TMCC1: variants seen among roughly 807,000 people sequenced by gnomAD.
TMCC1 encodes the protein transmembrane and coiled-coil domains protein 1.
TMCC1 carries 15 observed loss-of-function variants against 52.4 expected under a neutral mutation model. That is an observed-to-expected ratio of 0.29 (90% CI 0.19 to 0.44). The LOEUF (loss-of-function observed/expected upper bound fraction) is 0.44. Ranked by LOEUF, TMCC1 falls within the 20% of genes least tolerant of loss-of-function variation. The pLI is 1.00. For synonymous variants in TMCC1, 279 were observed against 301.9 expected (o/e 0.92, Z 0.79); for missense variants, 503 against 806.0 (o/e 0.62, Z 4.55).
intron 4 of TMCC1, among the ~76,000 whole-genome samples, chr3:129,728,795 T>C (rs549648884): frequency 6.6e-6 from 1 of 152,322 alleles, no homozygotes; most frequent in South Asian, 2.1e-4. Context: ...GTCCTATCTT[T>C]CTGAGAGTGT....
intron 5 of TMCC1, among the ~76,000 whole-genome samples, chr3:129,665,820 C>A (rs1428810154): frequency 6.6e-6 from 1 of 152,150 alleles, no homozygotes; most frequent in Non-Finnish European, 1.5e-5. Context: ...GCTTCAATTT[C>A]CTCATCTTTA....
chr3:129,756,557 C>T (rs770469413), intron 4 of TMCC1, among the ~76,000 whole-genome samples: 1 of 152,122 alleles, frequency 6.6e-6, no homozygotes, highest in Non-Finnish European at 1.5e-5. Context: ...CACCACCAAG[C>T]CTGGCTGATT....
intron 4 of TMCC1, among the ~76,000 whole-genome samples, chr3:129,760,433 T>TGA (rs1470029593): frequency 7.0e-6 from 1 of 142,872 alleles, no homozygotes; most frequent in Non-Finnish European, 1.6e-5. Flanking sequence ...TGTGTGTGTG[T>TGA]GTTTTTGAGA....
chr3:129,686,554 G>A (rs1350628501), intron 4 of TMCC1, among the ~76,000 whole-genome samples: 2 of 152,144 alleles, frequency 1.3e-5, no homozygotes, highest in Admixed American at 6.5e-5. Flanking sequence ...CTCTCAGCCT[G>A]CCATTTTGCT....
At chr3:129,876,240 A>T (rs1386658223) in intron 2 of TMCC1, among the ~76,000 whole-genome samples, 3 of 150,820 alleles carry the variant, frequency 2.0e-5, no homozygotes, top group African/African-American at 7.3e-5. Flanking sequence ...CTTTACAATG[A>T]CTTAAGTAAG....
intron 4 of TMCC1, among the ~76,000 whole-genome samples, chr3:129,718,041 A>G (rs189830861): frequency 9.8e-5 from 15 of 152,348 alleles, no homozygotes; most frequent in Admixed American, 9.8e-4. Context: ...GATTTGAAAC[A>G]ATTTGGGAAA....
intron 5 of TMCC1, among the ~76,000 whole-genome samples, chr3:129,662,690 A>C (rs75282016): frequency 0.017 from 2,620 of 152,318 alleles, 44 homozygotes; most frequent in Non-Finnish European, 0.029. Context: ...CAACTGTCTT[A>C]TATGTTGTTG....
chr3:129,850,087 C>A, intron 2 of TMCC1, among the ~76,000 whole-genome samples: 1 of 151,856 alleles, frequency 6.6e-6, no homozygotes, highest in East Asian at 1.9e-4. Flanking sequence ...GAGTCTAATT[C>A]CTGATAGAAA....
intron 2 of TMCC1, among the ~76,000 whole-genome samples, chr3:129,865,943 G>A (rs2060604674): frequency 6.6e-6 from 1 of 152,108 alleles, no homozygotes; most frequent in African/African-American, 2.4e-5. Flanking sequence ...CAGGCAGTAG[G>A]GAAGTGCAAG....
chr3:129,862,994 G>C (rs2060463015), intron 2 of TMCC1, among the ~76,000 whole-genome samples: 1 of 152,114 alleles, frequency 6.6e-6, no homozygotes, highest in Non-Finnish European at 1.5e-5. Context: ...TAGAATTTAA[G>C]ATTCAATTCA....
rs575219464 is a variant in TMCC1, at chr3:129,723,560, A to G, written c.577-52296T>C. Among the ~76,000 whole-genome samples the G allele has an allele frequency of 3.5e-5, 5 of 142,376 alleles. No individual in the cohort carries two copies. The South Asian group carries it at 8.7e-4, about 25-fold the overall frequency. The allele number at this position is 142,376 out of a possible 152,430, so 93.4% of individuals were successfully genotyped here. A position where few individuals can be genotyped will look rare whatever the true frequency, so the allele number is the denominator to read the frequency against. On this transcript the variant is annotated intron_variant, in intron 4 of 6. Coordinates refer to ENST00000393238, the MANE Select transcript of TMCC1 (RefSeq NM_001017395.5). ...TGAAAGAAACACTGATTTTCCAGTA[A>G]CTATTTCGCTTGAGAAAGTGAGGAT...
intron 4 of TMCC1, among the ~76,000 whole-genome samples, chr3:129,681,330 T>C (rs563927809): frequency 6.6e-6 from 1 of 152,148 alleles, no homozygotes; most frequent in South Asian, 2.1e-4. Context: ...GTAAATAATA[T>C]AGTTTGGTCA....
intron 5 of TMCC1, among the ~76,000 whole-genome samples, chr3:129,658,276 C>T (rs1157577599): frequency 6.6e-6 from 1 of 152,218 alleles, no homozygotes; most frequent in Non-Finnish European, 1.5e-5. Flanking sequence ...CCTTCACTCC[C>T]ACAACATGGA....
intron 4 of TMCC1, among the ~76,000 whole-genome samples, chr3:129,741,056 A>T (rs1181788267): frequency 6.6e-6 from 1 of 152,148 alleles, no homozygotes; most frequent in East Asian, 1.9e-4. Context: ...TTTTAGTCTC[A>T]TTGCTAGTAT....
rs75485525 is a variant in TMCC1, at chr3:129,767,521, C to T, written c.576+60282G>A. ...TTGAGTAGCTAGGACTACAGGTGCA[C>T]ATCACCACACTTTGCTAATTTTTAA... On this transcript the variant is annotated intron_variant, in intron 4 of 6. Coordinates refer to ENST00000393238, the MANE Select transcript of TMCC1 (RefSeq NM_001017395.5). Among the ~76,000 whole-genome samples the T allele has an allele frequency of 7.2e-5, 11 of 152,238 alleles. No homozygotes were observed. In the East Asian group the frequency reaches 2.1e-3, roughly 29 times the overall value.
intron 4 of TMCC1, among the ~76,000 whole-genome samples, chr3:129,692,954 T>C (rs2047132802): frequency 1.3e-5 from 2 of 152,024 alleles, no homozygotes; most frequent in South Asian, 2.1e-4. Context: ...GTGATCCTCC[T>C]ACCTCAGCCT....
intron 4 of TMCC1, among the ~76,000 whole-genome samples, chr3:129,731,225 A>G (rs1576613145): frequency 6.6e-6 from 1 of 152,246 alleles, no homozygotes; most frequent in African/African-American, 2.4e-5. Flanking sequence ...AAACCACATG[A>G]TATCAATTTA....
chr3:129,778,435 G>A (rs1298491597), intron 4 of TMCC1, among the ~76,000 whole-genome samples: 1 of 152,178 alleles, frequency 6.6e-6, no homozygotes, highest in East Asian at 1.9e-4. Context: ...TGAAATAAGG[G>A]TAATGATACT....
chr3:129,800,179 TTTA>T (rs2057097516), intron 4 of TMCC1, among the ~76,000 whole-genome samples: 2 of 152,246 alleles, frequency 1.3e-5, no homozygotes, highest in Admixed American at 1.3e-4. Context: ...GTAACAGTTC[TTTA>T]TTATTACTTT....
Sources: gnomAD v4.1 joint callset for allele counts (sites outside exome capture counted in the v4.1 genomes callset) on GRCh38, gnomAD v4.1.1 for gene constraint, MANE v1.5 for transcripts, NCBI Gene and HGNC (gene_info 2026-07-23, HGNC 2026-07-21) for gene names.